Variants in RORA observed in about 807,000 individuals in gnomAD.
RORA encodes the protein nuclear receptor ROR-alpha.
In RORA, 7 loss-of-function variants were observed where a neutral mutation model predicts 69.5. The ratio of observed to expected loss-of-function variants is 0.10; its 90% CI spans 0.06 to 0.19. RORA has a LOEUF of 0.19. Ranked by LOEUF, RORA falls within the 10% of genes least tolerant of loss-of-function variation. RORA has a pLI of 1.00. For synonymous variants in RORA, 261 were observed against 240.8 expected, an observed-to-expected ratio of 1.08 and a Z score of -0.78; for missense variants, 457 against 663.0, an observed-to-expected ratio of 0.69 and a Z score of 3.41.
At chr15:61,139,402 T>C (rs1020646396) in intron 1 of RORA, among the ~76,000 whole-genome samples, 1 of 152,208 alleles carries the variant, frequency 6.6e-6, no homozygotes, top group Non-Finnish European at 1.5e-5. Context: ...ACCCAAAGTC[T>C]TGCTTACTTT....
chr15:60,664,402 T>C (rs1157715966), intron 2 of RORA, among the ~76,000 whole-genome samples: 1 of 152,156 alleles, frequency 6.6e-6, no homozygotes, highest in East Asian at 1.9e-4. Context: ...AAAATGAAGA[T>C]AGCTCCTCTC....
At chr15:60,890,936 A>G (rs1206701391) in intron 1 of RORA, among the ~76,000 whole-genome samples, 1 of 152,230 alleles carries the variant, frequency 6.6e-6, no homozygotes, top group Non-Finnish European at 1.5e-5. Flanking sequence ...AAGCTTTCAA[A>G]GGGAATTAAG....
chr15:60,543,320 T>C (rs2066961457), intron 2 of RORA, among the ~76,000 whole-genome samples: 1 of 152,056 alleles, frequency 6.6e-6, no homozygotes, highest in African/African-American at 2.4e-5. Context: ...TTGTTAGCTA[T>C]GAGAACTTGG....
At chr15:60,658,303 C>T (rs1051972240) in intron 2 of RORA, among the ~76,000 whole-genome samples, 4 of 152,182 alleles carry the variant, frequency 2.6e-5, no homozygotes, top group Non-Finnish European at 4.4e-5. Context: ...GATCCGCCCA[C>T]CTCAGCCTCT....
intron 2 of RORA, among the ~76,000 whole-genome samples, chr15:60,647,755 G>C (rs929686052): frequency 6.6e-6 from 1 of 152,222 alleles, no homozygotes; most frequent in Admixed American, 6.5e-5. Flanking sequence ...GGTGTTTACT[G>C]TTGAGAGAAA....
chr15:60,851,706 A>ATGTGTGTG (rs140422098), intron 1 of RORA, among the ~76,000 whole-genome samples: 1 of 150,704 alleles, frequency 6.6e-6, no homozygotes, highest in African/African-American at 2.4e-5. Flanking sequence ...GCAATATTAT[A>ATGTGTGTG]TGTGTGTGTG....
chr15:61,120,364 C>T (rs2079090998), intron 1 of RORA, among the ~76,000 whole-genome samples: 1 of 151,102 alleles, frequency 6.6e-6, no homozygotes, highest in Non-Finnish European at 1.5e-5. Flanking sequence ...GTCTGATATG[C>T]AAGCAGAGCT....
intron 2 of RORA, among the ~76,000 whole-genome samples, chr15:60,556,011 C>A (rs980609258): frequency 6.6e-6 from 1 of 152,146 alleles, no homozygotes; most frequent in Non-Finnish European, 1.5e-5. Flanking sequence ...CTGTGCAGGT[C>A]ACTGGACTTT....
chr15:60,580,059 C>CA (rs57075893), intron 2 of RORA, among the ~76,000 whole-genome samples: 7,225 of 143,936 alleles, frequency 0.05, 199 homozygotes, highest in East Asian at 0.13. Context: ...CAAAGGCAAG[C>CA]AAAAAAAAAA....
chr15:61,060,067 C>A (rs757865294), intron 1 of RORA, among the ~76,000 whole-genome samples: 2 of 150,470 alleles, frequency 1.3e-5, no homozygotes, highest in Admixed American at 6.6e-5. Context: ...TTCTGACAAG[C>A]ACCACCCAAC....
chr15:60,729,933 T>G (rs2071408366), intron 1 of RORA, among the ~76,000 whole-genome samples: 1 of 152,252 alleles, frequency 6.6e-6, no homozygotes, highest in Non-Finnish European at 1.5e-5. Context: ...CCTTCTTTTC[T>G]GGTTCCATTT....
intron 2 of RORA, among the ~76,000 whole-genome samples, chr15:60,648,543 T>TAAAC (rs1395062695): frequency 3.9e-5 from 6 of 152,206 alleles, no homozygotes; most frequent in African/African-American, 1.4e-4. Flanking sequence ...TGCCATGGAT[T>TAAAC]AAACACTGAA....
intron 2 of RORA, chr15:60,592,322 G>A: frequency 5.8e-6 from 7 of 1,207,708 alleles, no homozygotes; most frequent in African/African-American, 1.6e-5. Context: ...CTCCCCCTGC[G>A]CGCCCTCCTC....
intron 1 of RORA, among the ~76,000 whole-genome samples, chr15:60,880,475 C>G (rs970283803): frequency 6.6e-6 from 1 of 152,144 alleles, no homozygotes; most frequent in African/African-American, 2.4e-5. Context: ...CCCATCTCTA[C>G]TAAAAATACA....
intron 1 of RORA, among the ~76,000 whole-genome samples, chr15:60,815,515 C>T (rs888074000): frequency 2.0e-4 from 31 of 152,080 alleles, no homozygotes; most frequent in African/African-American, 7.2e-4. Context: ...GTTTTCACAG[C>T]CGAGGACTTG....
chr15:61,111,488 CTT>C (rs775150516), intron 1 of RORA, among the ~76,000 whole-genome samples: 2 of 152,180 alleles, frequency 1.3e-5, no homozygotes, highest in Non-Finnish European at 2.9e-5. Flanking sequence ...CAATACGGCT[CTT>C]GAGTGGTAAC....
chr15:60,762,254 G>A (rs961299), intron 1 of RORA, among the ~76,000 whole-genome samples: 9,898 of 152,240 alleles, frequency 0.065, 427 homozygotes, highest in Admixed American at 0.12. Flanking sequence ...AAACTAAAAC[G>A]AGGGGATTCC....
intron 2 of RORA, among the ~76,000 whole-genome samples, chr15:60,671,022 C>T (rs1297824072): frequency 6.8e-6 from 1 of 147,156 alleles, no homozygotes; most frequent in Non-Finnish European, 1.5e-5. Flanking sequence ...TAAACATCCT[C>T]AAAATCTAGA....
chr15:61,036,239 G>C (rs892172073), intron 1 of RORA, among the ~76,000 whole-genome samples: 1 of 152,126 alleles, frequency 6.6e-6, no homozygotes, highest in African/African-American at 2.4e-5. Context: ...TAGAAAGACA[G>C]GAAAGACATG....
Sources: allele counts gnomAD v4.1 joint callset (sites outside exome capture counted in the v4.1 genomes callset), GRCh38; gene constraint gnomAD v4.1.1; transcripts MANE v1.5; gene names NCBI Gene and HGNC (gene_info 2026-07-23, HGNC 2026-07-21).